FGD4: variants seen among roughly 807,000 people sequenced by gnomAD.
FGD4 encodes the protein FYVE, RhoGEF and PH domain containing 4.
FGD4 carries 42 observed loss-of-function variants against 102.0 expected under a neutral mutation model. The ratio of observed to expected loss-of-function variants is 0.41; its 90% CI spans 0.32 to 0.53. FGD4 has a LOEUF of 0.53. Among genes scored for constraint, FGD4 ranks in the 20% least tolerant of loss-of-function variants. The pLI is 0.21. For missense variants in FGD4, 902 were observed against 1,078.2 expected (o/e 0.84, Z 2.29); for synonymous variants, 380 against 375.7 (o/e 1.01, Z -0.13).
intron 1 of FGD4, among the ~76,000 whole-genome samples, chr12:32,422,848 T>G (rs1426973902): frequency 2.0e-5 from 3 of 152,208 alleles, no homozygotes; most frequent in Non-Finnish European, 2.9e-5. Context: ...ACTTACATTT[T>G]AGATGCTGTT....
intron 1 of FGD4, among the ~76,000 whole-genome samples, chr12:32,558,742 G>A (rs144358746): frequency 1.4e-4 from 21 of 152,346 alleles, no homozygotes; most frequent in African/African-American, 4.6e-4. Context: ...TTAAGCCATA[G>A]TGGCAACCTC....
intron 4 of FGD4, among the ~76,000 whole-genome samples, chr12:32,592,307 T>A (rs1592329107): frequency 6.6e-6 from 1 of 151,886 alleles, no homozygotes; most frequent in African/African-American, 2.4e-5. Flanking sequence ...GATATCTCTA[T>A]TTAAAATAAA....
chr12:32,416,248 C>T (rs1167510536), intron 1 of FGD4, among the ~76,000 whole-genome samples: 1 of 152,224 alleles, frequency 6.6e-6, no homozygotes, highest in Non-Finnish European at 1.5e-5. Flanking sequence ...AATCTGCTCA[C>T]CTTGGCTTCC....
At position 32,412,899 on chromosome 12, in the gene FGD4, A is replaced by ATTTTTTTTTTT. The variant is rs869107334; in HGVS notation, c.166+12955_166+12965dup. ...CTGTCCAGAGACCCCTTTTCTAGAA[A>ATTTTTTTTTTT]TTTTTTTTTTTTTTTTTTTTTTTTT... On this transcript the variant is annotated intron_variant, in intron 1 of 16. Coordinates refer to ENST00000534526, the MANE Select transcript of FGD4 (RefSeq NM_001370298.3). Among the ~76,000 whole-genome samples, 406 of 86,958 alleles carry ATTTTTTTTTTT rather than the reference A, an allele frequency of 4.7e-3. 45 individuals carry two copies. Among genetic ancestry groups the ATTTTTTTTTTT allele is most frequent in the African/African-American group, 0.021 (387 of 18,280 alleles). The allele number at this position is 86,958 out of a possible 152,430, so 57.0% of individuals were successfully genotyped here.
chr12:32,617,825 CTA>C (rs1228387321), intron 10 of FGD4, among the ~76,000 whole-genome samples: 1 of 152,228 alleles, frequency 6.6e-6, no homozygotes, highest in African/African-American at 2.4e-5. Flanking sequence ...TGGTTTCTTC[CTA>C]TATATGACAT....
intron 1 of FGD4, among the ~76,000 whole-genome samples, chr12:32,474,550 C>A (rs1342829622): frequency 4.6e-5 from 7 of 152,096 alleles, no homozygotes; most frequent in Non-Finnish European, 1.0e-4. Context: ...AATCTATAGA[C>A]AGAAAGATTA....
In FGD4 at chr12:32,620,523, T is replaced by TC. The variant is rs559903911; in HGVS notation, c.1922+653_1922+654insC. 5.5e-3 allele frequency among the ~76,000 whole-genome samples: 352 copies of TC among 63,678 alleles called. 3 individuals are homozygous for TC. Among genetic ancestry groups the TC allele is most frequent in the Middle Eastern group, 0.025 (3 of 118 alleles). The allele number at this position is 63,678 out of a possible 152,430, so 41.8% of individuals were successfully genotyped here. On this transcript the variant is annotated intron_variant, in intron 11 of 16. Transcript: ENST00000534526. Reference sequence around the variant, plus strand: ...GCCATAACCATTTTTTTTCTTTCTTTTTTTTTTTTTTTTTTTTTTTGAGAT... The same window carrying TC: ...GCCATAACCATTTTTTTTCTTTCTTTCTTTTTTTTTTTTTTTTTTTTGAGAT...
chr12:32,552,841 G>T (rs190228943), intron 1 of FGD4, among the ~76,000 whole-genome samples: 3 of 149,052 alleles, frequency 2.0e-5, no homozygotes, highest in Non-Finnish European at 4.5e-5. Flanking sequence ...GCAATGGCGC[G>T]ATCTTGGCTC....
chr12:32,616,515 G>A (rs1425551830), intron 10 of FGD4, among the ~76,000 whole-genome samples: 1 of 152,194 alleles, frequency 6.6e-6, no homozygotes, highest in African/African-American at 2.4e-5. Flanking sequence ...ACCCTCTCCA[G>A]TGCTGTGCTT....
intron 1 of FGD4, among the ~76,000 whole-genome samples, chr12:32,513,880 A>G (rs1292340610): frequency 6.6e-6 from 1 of 152,222 alleles, no homozygotes; most frequent in Non-Finnish European, 1.5e-5. Flanking sequence ...GTTTAAATGT[A>G]TGTATGAAAT....
chr12:32,456,028 T>G (rs1278086928), intron 1 of FGD4, among the ~76,000 whole-genome samples: 1 of 152,152 alleles, frequency 6.6e-6, no homozygotes, highest in Non-Finnish European at 1.5e-5. Flanking sequence ...TCCAACCTTC[T>G]CAGCTGTTGT....
intron 1 of FGD4, among the ~76,000 whole-genome samples, chr12:32,410,595 T>TGGGGGGGGG (rs1354692629): frequency 1.3e-5 from 2 of 152,254 alleles, no homozygotes; most frequent in African/African-American, 4.8e-5. Context: ...GCAAGTGTTC[T>TGGGGGGGGG]GGGAGCCCAC....
At chr12:32,521,049 G>C (rs12146840) in intron 1 of FGD4, among the ~76,000 whole-genome samples, 124,425 of 152,050 alleles carry the variant, frequency 0.82, 51,454 homozygotes, top group Middle Eastern at 0.94. Flanking sequence ...GTGCATGGGA[G>C]CCATAATAAT....
chr12:32,629,687 A>C (rs1215838238), intron 14 of FGD4, among the ~76,000 whole-genome samples: 1 of 151,802 alleles, frequency 6.6e-6, no homozygotes, highest in Non-Finnish European at 1.5e-5. Context: ...TTGTTCATTT[A>C]CTGTTCAGTT....
intron 1 of FGD4, among the ~76,000 whole-genome samples, chr12:32,458,974 G>A (rs1302414272): frequency 1.3e-5 from 2 of 152,132 alleles, no homozygotes; most frequent in Non-Finnish European, 2.9e-5. Context: ...AAGAAGCCAG[G>A]TCTTTTCATT....
At chr12:32,502,200 C>T in intron 1 of FGD4, 1 of 985,474 alleles carries the variant, frequency 1.0e-6, no homozygotes, top group South Asian at 4.7e-5. Context: ...AGCAGGGGAG[C>T]CTGTGCTGGG....
At chr12:32,562,918 G>C (rs1944754135) in intron 1 of FGD4, among the ~76,000 whole-genome samples, 1 of 152,160 alleles carries the variant, frequency 6.6e-6, no homozygotes. Flanking sequence ...CGTTCTCAAT[G>C]AGCTGTTGGG....
intron 1 of FGD4, among the ~76,000 whole-genome samples, chr12:32,470,797 C>G (rs1331178750): frequency 6.6e-6 from 1 of 152,092 alleles, no homozygotes; most frequent in African/African-American, 2.4e-5. Context: ...TTGTTTGGTG[C>G]CTGTGTAGTC....
chr12:32,524,480 AATATTTGTGATATGAACTC>A, intron 1 of FGD4, among the ~76,000 whole-genome samples: 1 of 151,794 alleles, frequency 6.6e-6, no homozygotes, highest in South Asian at 2.1e-4. Flanking sequence ...ATTTGGAGAA[AATATTTGTGATATGAACTC>A]CTTTAAAGAC....
Sources: gnomAD v4.1 joint callset for allele counts (sites outside exome capture counted in the v4.1 genomes callset) on GRCh38, gnomAD v4.1.1 for gene constraint, MANE v1.5 for transcripts, NCBI Gene and HGNC (gene_info 2026-07-23, HGNC 2026-07-21) for gene names.